ARHGAP31: variants seen among roughly 807,000 people sequenced by gnomAD.
ARHGAP31 encodes the protein Rho GTPase activating protein 31.
In ARHGAP31, 34 loss-of-function variants were observed where a neutral mutation model predicts 113.9. The ratio of observed to expected loss-of-function variants is 0.30; its 90% confidence interval spans 0.23 to 0.40. The LOEUF is 0.40. Among genes scored for constraint, ARHGAP31 ranks in the 10% least tolerant of loss-of-function variants. The pLI is 1.00. For missense variants in ARHGAP31, 1,548 were observed against 1,767.1 expected, an observed-to-expected ratio of 0.88 and a Z score of 2.22; for synonymous variants, 650 against 684.8, an observed-to-expected ratio of 0.95 and a Z score of 0.79.
At position 119,401,957 on chromosome 3, in the gene ARHGAP31, G is replaced by A. The variant is rs1402856163; in HGVS notation, c.1205G>A (p.Gly402Glu). The change falls in exon 10 of 12, where the codon GGG becomes GAG. Residue 402 changes from glycine to glutamate, a missense_variant. Transcript: ENST00000264245. ...TKQEGEWGQE[G>E]MPPGAEGGFD... ...CAGGAGGGCGAATGGGGCCAGGAGGGGATGCCTCCCGGGGCTGAGGGTGGC... is the reference window on the plus strand; with the variant it reads ...CAGGAGGGCGAATGGGGCCAGGAGGAGATGCCTCCCGGGGCTGAGGGTGGC... 6.2e-7 allele frequency: 1 copy of A among 1,614,150 alleles called. No homozygotes were observed. The highest frequency in any genetic ancestry group is 8.5e-7 in the Non-Finnish European group (1 of 1,180,026).
intron 3 of ARHGAP31, among the ~76,000 whole-genome samples, chr3:119,378,457 C>T (rs989802509): frequency 6.6e-6 from 1 of 152,214 alleles, no homozygotes; most frequent in Non-Finnish European, 1.5e-5. Flanking sequence ...ACAAAGATGA[C>T]TAACAGCTTC....
At chr3:119,301,856 T>C (rs934082003) in intron 1 of ARHGAP31, among the ~76,000 whole-genome samples, 3 of 152,166 alleles carry the variant, frequency 2.0e-5, no homozygotes, top group African/African-American at 7.2e-5. Flanking sequence ...ACTCTTCTAG[T>C]TGGGGCTACC....
chr3:119,344,116 C>G, intron 1 of ARHGAP31, among the ~76,000 whole-genome samples: 1 of 152,196 alleles, frequency 6.6e-6, no homozygotes, highest in East Asian at 1.9e-4. Flanking sequence ...ATATTAGACG[C>G]TGGACTAAAA....
chr3:119,355,367 T>A (rs1345804895), intron 1 of ARHGAP31, among the ~76,000 whole-genome samples: 3 of 152,008 alleles, frequency 2.0e-5, no homozygotes, highest in Non-Finnish European at 4.4e-5. Flanking sequence ...ACTTAGTAAC[T>A]ATTTTCTTTG....
In ARHGAP31 at chr3:119,407,175, G is replaced by A. The variant is rs369891426; in HGVS notation, c.1646-2321G>A. On this transcript the variant is annotated intron_variant, in intron 10 of 11. Coordinates refer to ENST00000264245, the MANE Select transcript of ARHGAP31 (RefSeq NM_020754.4). Reference sequence around the variant, plus strand: ...AGCCTGGCAAACATGATGAAACCCCGTCTCTACTAAAAAATACAAAAATTA... The same window carrying A: ...AGCCTGGCAAACATGATGAAACCCCATCTCTACTAAAAAATACAAAAATTA... 6.5e-4 allele frequency among the ~76,000 whole-genome samples: 99 copies of A among 151,900 alleles called. 1 individual carries two copies. The Middle Eastern group carries it at 0.01, about 16-fold the overall frequency.
At chr3:119,303,793 T>A (rs547139127) in intron 1 of ARHGAP31, among the ~76,000 whole-genome samples, 1 of 149,244 alleles carries the variant, frequency 6.7e-6, no homozygotes, top group South Asian at 2.2e-4. Context: ...TTTTTTGTTG[T>A]TGTTGTTGTT....
At chr3:119,373,428 G>T (rs2080319890) in intron 3 of ARHGAP31, among the ~76,000 whole-genome samples, 1 of 128,072 alleles carries the variant, frequency 7.8e-6, no homozygotes, top group Non-Finnish European at 1.6e-5. Flanking sequence ...CCCATGGTGA[G>T]ACTGGCTTTT....
At position 119,294,702 on chromosome 3, in the gene ARHGAP31, G is replaced by A; in HGVS notation, c.-203G>A. 1 of 596,440 alleles carries A rather than the reference G, an allele frequency of 1.7e-6. No homozygotes were observed. The highest frequency in any genetic ancestry group is 2.9e-6 in the Non-Finnish European group (1 of 340,330). The allele number at this position is 596,440 out of a possible 1,614,324, so 36.9% of individuals were successfully genotyped here. A position where few individuals can be genotyped will look rare whatever the true frequency, so the allele number is the denominator to read the frequency against. ...ACGGCCTCGGCACGGCGGCCCCGGAGCGGCGCGGGGTGGATCTCAGGCTCT... is the reference window on the plus strand; with the variant it reads ...ACGGCCTCGGCACGGCGGCCCCGGAACGGCGCGGGGTGGATCTCAGGCTCT... On this transcript the variant is annotated 5_prime_UTR_variant, in exon 1 of 12. Transcript: ENST00000264245.
intron 10 of ARHGAP31, among the ~76,000 whole-genome samples, chr3:119,403,114 G>A (rs767155766): frequency 3.9e-5 from 6 of 152,142 alleles, no homozygotes; most frequent in Non-Finnish European, 7.4e-5. Context: ...AATGGAAGCA[G>A]GGAGAACCCC....
chr3:119,388,530 G>A (rs962722073), intron 6 of ARHGAP31, among the ~76,000 whole-genome samples: 8 of 152,096 alleles, frequency 5.3e-5, no homozygotes, highest in Non-Finnish European at 8.8e-5. Context: ...AGGCTGAGAG[G>A]CTGGAAGCGG....
At chr3:119,335,002 C>T (rs1359000719) in intron 1 of ARHGAP31, among the ~76,000 whole-genome samples, 1 of 151,992 alleles carries the variant, frequency 6.6e-6, no homozygotes, top group Non-Finnish European at 1.5e-5. Context: ...TGGAGATAGT[C>T]TCCAAATTAA....
chr3:119,345,398 G>T (rs982652688), intron 1 of ARHGAP31, among the ~76,000 whole-genome samples: 1 of 152,162 alleles, frequency 6.6e-6, no homozygotes. Flanking sequence ...GCACACTGGG[G>T]TTATGGCATT....
intron 10 of ARHGAP31, 133 bp from the exon 11 acceptor site, chr3:119,409,363 A>C: frequency 1.9e-6 from 2 of 1,033,132 alleles, no homozygotes; most frequent in South Asian, 2.8e-5. Flanking sequence ...GAGTAAATGC[A>C]AGGGGCGGTG....
rs1278754826 is a variant in ARHGAP31 at position 119,306,968 on chromosome 3, CTT to C, written c.100+11965_100+11966del. Among the ~76,000 whole-genome samples the C allele has an allele frequency of 2.0e-5, 3 of 151,690 alleles. No individual in the cohort carries two copies. The East Asian group carries it at 5.8e-4, about 29-fold the overall frequency. On this transcript the variant is annotated intron_variant, in intron 1 of 11. Coordinates refer to ENST00000264245, the MANE Select transcript of ARHGAP31 (RefSeq NM_020754.4). The stretch of plus-strand genomic sequence containing the variant: ...TAAAATTATTTTAGGAATAGTGTGT[CTT>C]GAGTCATTGGCTTTTTCATAAATGC...
At chr3:119,349,019 C>T (rs2080087453) in intron 1 of ARHGAP31, among the ~76,000 whole-genome samples, 1 of 152,174 alleles carries the variant, frequency 6.6e-6, no homozygotes, top group Non-Finnish European at 1.5e-5. Flanking sequence ...AGCTGCAAAA[C>T]TTCAGGATAA....
At chr3:119,394,810 A>G (rs547373244) in intron 8 of ARHGAP31, among the ~76,000 whole-genome samples, 1 of 152,234 alleles carries the variant, frequency 6.6e-6, no homozygotes, top group South Asian at 2.1e-4. Context: ...AATAAGAAAA[A>G]ACAACAAAAG....
At position 119,402,198 on chromosome 3, in the gene ARHGAP31, G is replaced by C. The variant is rs112138117; in HGVS notation, c.1446G>C (p.Lys482Asn). 1 of 1,614,274 alleles carries C rather than the reference G, an allele frequency of 6.2e-7. No individual in the cohort carries two copies. The highest frequency in any genetic ancestry group is 1.1e-5 in the South Asian group (1 of 91,090). ...AGCCCTCGCCGCGTAACCAGCGCAA[G>C]GCGCTGAACATCTCCGAGCCCTTTG... ...QMEPSPRNQR[K>N]ALNISEPFAV... is the part of the protein sequence containing the mutation. Residue 482 changes from lysine (K) to asparagine (N), a missense_variant, in exon 10 of 12, where the codon AAG (lysine) becomes AAC (asparagine). Transcript: ENST00000264245.
intron 1 of ARHGAP31, among the ~76,000 whole-genome samples, chr3:119,301,644 GTT>G (rs11347020): frequency 1.3e-5 from 2 of 151,460 alleles, no homozygotes; most frequent in Admixed American, 6.6e-5. Context: ...GATGGGGACT[GTT>G]TTTTTTTACC....
In ARHGAP31 at chr3:119,383,151, G is replaced by A. The variant is rs768208725; in HGVS notation, c.607G>A (p.Val203Met). ...CTTCCTTGCAGTCCGGGTCCAGCAG[G>A]TGGTGATTGAGTTCATATTGAATCA... Reference protein sequence around the residue: ...AAFLAVRVQQVVIEFILNHVD... With the variant: ...AAFLAVRVQQMVIEFILNHVD... Residue 203 changes from valine (V) to methionine (M), a missense_variant, in exon 6 of 12, where the codon GTG becomes ATG. Transcript: ENST00000264245. The A allele has an allele frequency of 6.2e-7, 1 of 1,614,220 alleles. No homozygotes were observed.
Sources: gnomAD v4.1 joint callset for allele counts (sites outside exome capture counted in the v4.1 genomes callset) on GRCh38, gnomAD v4.1.1 for gene constraint, MANE v1.5 for transcripts, NCBI Gene and HGNC (gene_info 2026-07-23, HGNC 2026-07-21) for gene names.